The following CAPSL variants were observed in gnomAD, a reference collection of about 807,000 sequenced individuals.
CAPSL encodes calcyphosin-like protein.
In CAPSL, 17 loss-of-function variants were observed where a neutral mutation model predicts 21.3. The ratio of observed to expected loss-of-function variants is 0.80; its 90% CI spans 0.55 to 1.20. The LOEUF (loss-of-function observed/expected upper bound fraction) is 1.20. Ranked by LOEUF, CAPSL falls within the 50% of genes most tolerant of loss-of-function variation. The pLI, the probability that CAPSL is intolerant of heterozygous loss-of-function variation, is 0.00. For missense variants in CAPSL, 289 were observed against 259.3 expected, an observed-to-expected ratio of 1.11 and a Z score of -0.79; for synonymous variants, 102 against 89.3, an observed-to-expected ratio of 1.14 and a Z score of -0.80.
chr5:35,911,296 A>G (rs938224847), intron 2 of CAPSL, among the ~76,000 whole-genome samples: 2 of 152,246 alleles, frequency 1.3e-5, no homozygotes, highest in African/African-American at 4.8e-5. Flanking sequence ...GAAAAGGGAA[A>G]AGGGAAGCAA....
At chr5:35,929,750 C>A (rs1036299709) in intron 1 of CAPSL, among the ~76,000 whole-genome samples, 1 of 152,142 alleles carries the variant, frequency 6.6e-6, no homozygotes, top group Admixed American at 6.5e-5. Context: ...AGATTTCATA[C>A]CAGCAGAGAG....
chr5:35,912,978 G>A (rs979231662), intron 2 of CAPSL, among the ~76,000 whole-genome samples: 5 of 152,064 alleles, frequency 3.3e-5, no homozygotes, highest in South Asian at 2.1e-4. Flanking sequence ...TTAGATGAAC[G>A]TCTAACTAGA....
At position 35,934,559 on chromosome 5, in the gene CAPSL, G is replaced by A. The variant is rs700171; in HGVS notation, c.-1+3982C>T. 2.0e-5 allele frequency among the ~76,000 whole-genome samples: 3 copies of A among 152,320 alleles called. No individual in the cohort carries two copies. The East Asian group carries it at 5.8e-4, about 29-fold the overall frequency. On this transcript the variant is annotated intron_variant, in intron 1 of 4. Transcript: ENST00000651391. The stretch of plus-strand genomic sequence containing the variant: ...GGGAGGCATCAGTAGAAGATCAGAG[G>A]AGAGGAGGAGATAGAGGCTGGAGTA...
chr5:35,925,916 A>G (rs1397063675), intron 1 of CAPSL, among the ~76,000 whole-genome samples: 1 of 152,004 alleles, frequency 6.6e-6, no homozygotes, highest in Admixed American at 6.6e-5. Flanking sequence ...GTCTCTACCA[A>G]TATACAAAAA....
chr5:35,931,851 G>T lies in CAPSL; in HGVS notation c.-1+6690C>A, dbSNP rs530673122. Among the ~76,000 whole-genome samples the T allele has an allele frequency of 3.9e-5, 6 of 152,236 alleles. No homozygotes were observed. In the East Asian group the frequency reaches 5.8e-4, roughly 15 times the overall value. ...GGTAGCTTTCAAATATTCCATTTTTGCCATGAAGTCATGACCTCAGACAAT... is the reference window on the plus strand; with the variant it reads ...GGTAGCTTTCAAATATTCCATTTTTTCCATGAAGTCATGACCTCAGACAAT... On this transcript the variant is annotated intron_variant, in intron 1 of 4. Transcript: ENST00000651391.
At chr5:35,921,447 A>G (rs1738537380) in intron 1 of CAPSL, among the ~76,000 whole-genome samples, 1 of 152,326 alleles carries the variant, frequency 6.6e-6, no homozygotes, top group Admixed American at 6.5e-5. Context: ...AACCAACATT[A>G]TATACCATAT....
intron 2 of CAPSL, among the ~76,000 whole-genome samples, chr5:35,914,894 C>T (rs1055726777): frequency 3.3e-5 from 5 of 152,116 alleles, no homozygotes; most frequent in African/African-American, 9.7e-5. Flanking sequence ...ACACAAAAAA[C>T]TCTTCAAAAA....
At chr5:35,920,330 T>C (rs1275351453) in intron 2 of CAPSL, among the ~76,000 whole-genome samples, 4 of 152,152 alleles carry the variant, frequency 2.6e-5, no homozygotes, top group Non-Finnish European at 5.9e-5. Flanking sequence ...CACCCACGGG[T>C]CCCTGAGATG....
chr5:35,919,170 A>AAAAAAAAATATATATATATATAT, intron 2 of CAPSL, among the ~76,000 whole-genome samples: 1 of 121,276 alleles, frequency 8.2e-6, no homozygotes, highest in East Asian at 2.2e-4. Context: ...TAAAAAAAAA[A>AAAAAAAAATATATATATATATAT]ATATATATAT....
chr5:35,909,248 T>C (rs1421356387), intron 4 of CAPSL, among the ~76,000 whole-genome samples: 1 of 152,176 alleles, frequency 6.6e-6, no homozygotes, highest in Non-Finnish European at 1.5e-5. Context: ...GGGCGGTTGA[T>C]TTTGTTTTCA....
chr5:35,918,063 T>C (rs956193248), intron 2 of CAPSL, among the ~76,000 whole-genome samples: 4 of 152,142 alleles, frequency 2.6e-5, no homozygotes, highest in East Asian at 1.9e-4. Context: ...TCCTCAAGGA[T>C]GGAGAACCAC....
chr5:35,934,478 T>C (rs1738895574), intron 1 of CAPSL, among the ~76,000 whole-genome samples: 2 of 152,356 alleles, frequency 1.3e-5, no homozygotes, highest in South Asian at 2.1e-4. Context: ...TCGACCTCCA[T>C]AAACTGTGTT....
rs758559698 is a variant in CAPSL at position 35,910,363 on chromosome 5, T to C, written c.315+3A>G. On this transcript the variant is annotated splice_donor_region_variant and intron_variant, in intron 3 of 4. Coordinates refer to ENST00000651391, the MANE Select transcript of CAPSL (RefSeq NM_001042625.2). The stretch of plus-strand genomic sequence containing the variant: ...AGATACACTGATTAATGGGGCCACT[T>C]ACTCTTAATGTGAGAAGAAATTCAT... 9 of 1,612,110 alleles carry C rather than the reference T, an allele frequency of 5.6e-6. No individual in the cohort carries two copies. The South Asian group carries it at 7.7e-5, about 14-fold the overall frequency.
At chr5:35,921,197 C>T in intron 1 of CAPSL, 77 bp from the exon 2 acceptor site, 3 of 1,515,824 alleles carry the variant, frequency 2.0e-6, no homozygotes, top group East Asian at 2.3e-5. Context: ...ACAGAAGCCT[C>T]ACTGAGAAGG....
intron 1 of CAPSL, among the ~76,000 whole-genome samples, chr5:35,925,664 T>C (rs1290753349): frequency 6.6e-6 from 1 of 152,060 alleles, no homozygotes. Context: ...CAAAGTTTTC[T>C]TAAAAAGGGA....
At chr5:35,923,619 A>C (rs527667534) in intron 1 of CAPSL, among the ~76,000 whole-genome samples, 1 of 152,192 alleles carries the variant, frequency 6.6e-6, no homozygotes, top group Admixed American at 6.5e-5. Context: ...AACCTTGGCC[A>C]TGTTATGCTA....
Position 35,909,877 on chromosome 5 carries a change from T to C in CAPSL, c.514A>G (p.Lys172Glu). 1 of 1,609,044 alleles carries C rather than the reference T, an allele frequency of 6.2e-7. No individual in the cohort carries two copies. Residue 172 changes from lysine to glutamate, a missense_variant, in exon 4 of 5, where the codon AAA becomes GAA. Coordinates refer to ENST00000651391, the MANE Select transcript of CAPSL (RefSeq NM_001042625.2). ...FLDNFDSPYD[K>E]DGLVTPEEFM... ...GCTCTTTTACTTACCAATCCATCTT[T>C]GTCATAGGGTGAATCAAAGTTATCC...
intron 2 of CAPSL, among the ~76,000 whole-genome samples, chr5:35,916,282 T>C (rs1214751430): frequency 6.6e-6 from 1 of 151,940 alleles, no homozygotes; most frequent in African/African-American, 2.4e-5. Context: ...AAAATGGCCA[T>C]ACTGCCCAAG....
intron 1 of CAPSL, among the ~76,000 whole-genome samples, chr5:35,933,726 G>C (rs1489248768): frequency 6.6e-6 from 1 of 152,184 alleles, no homozygotes; most frequent in African/African-American, 2.4e-5. Context: ...AACTTCCAAA[G>C]AAAGTAAGAA....
Sources: gnomAD v4.1 joint callset for allele counts (sites outside exome capture counted in the v4.1 genomes callset) on GRCh38, gnomAD v4.1.1 for gene constraint, MANE v1.5 for transcripts, NCBI Gene and HGNC (gene_info 2026-07-23, HGNC 2026-07-21) for gene names.